FTCD: variants seen among roughly 807,000 people sequenced by gnomAD.
FTCD encodes formimidoyltransferase cyclodeaminase.
Under a neutral mutation model 62.9 loss-of-function variants are expected in FTCD, and 76 were observed. That is an observed-to-expected ratio of 1.21 (90% CI 1.00 to 1.46). The LOEUF is 1.46. Ranked by LOEUF, FTCD falls within the 40% of genes most tolerant of loss-of-function variation. The pLI is 0.00. For missense variants in FTCD, 845 were observed against 751.3 expected, an observed-to-expected ratio of 1.12 and a Z score of -1.46; for synonymous variants, 397 against 336.9, an observed-to-expected ratio of 1.18 and a Z score of -1.95.
At chr21:46,148,889 G>A (rs1166179789) in intron 7 of FTCD, among the ~76,000 whole-genome samples, 3 of 152,128 alleles carry the variant, frequency 2.0e-5, no homozygotes, top group Admixed American at 2.0e-4. Flanking sequence ...TATGGCCTGA[G>A]GATTATTAGA....
chr21:46,137,048 A>G lies in FTCD; in HGVS notation c.1565T>C (p.Leu522Pro). Residue 522 changes from leucine (L) to proline (P), a missense_variant, in exon 14 of 14, where the codon CTG becomes CCG. Leu to Pro is a moderately conservative substitution (Grantham distance 98). Transcript: ENST00000397746. Reference protein sequence around the residue: ...DQIHHRVSSLLQEAKTQAALV... With the variant: ...DQIHHRVSSLPQEAKTQAALV... ...TGCAGCCTGGGTCTTGGCTTCCTGC[A>G]GGAGGCTGGAAACACGATGGTGGAT... The G allele has an allele frequency of 1.9e-6, 3 of 1,613,744 alleles. No homozygotes were observed. Among genetic ancestry groups the G allele is most frequent in the Non-Finnish European group, 2.5e-6 (3 of 1,179,962 alleles).
chr21:46,150,679 C>T (rs1272620162), intron 5 of FTCD, among the ~76,000 whole-genome samples, 154 bp from the exon 6 acceptor site: 6 of 152,144 alleles, frequency 3.9e-5, no homozygotes, highest in South Asian at 2.1e-4. Flanking sequence ...CTGAGCTGGC[C>T]GGGGAGGGCC....
Position 46,150,927 on chromosome 21 carries a change from G to T in FTCD, c.637-402C>A, listed in dbSNP as rs200923603. ...CTTGTCGGGGTGACTGAGTCCACGT[G>T]GGGGGACTCTGACCTCTGCCCTTGG... On this transcript the variant is annotated intron_variant, in intron 5 of 13. Coordinates refer to ENST00000397746, the MANE Select transcript of FTCD (RefSeq NM_206965.2). Among the ~76,000 whole-genome samples the T allele has an allele frequency of 2.2e-3, 329 of 152,336 alleles. 2 individuals are homozygous for T. Among genetic ancestry groups the T allele is most frequent in the African/African-American group, 7.5e-3 (313 of 41,586 alleles).
At chr21:46,153,568 G>A (rs2079355412) in intron 2 of FTCD, among the ~76,000 whole-genome samples, 1 of 152,202 alleles carries the variant, frequency 6.6e-6, no homozygotes, top group Admixed American at 6.5e-5. Context: ...CACCCCAGGG[G>A]ACGCCAGCCT....
chr21:46,141,270 G>A lies in FTCD; in HGVS notation c.1261-2347C>T, dbSNP rs143849133. 2.6e-5 allele frequency among the ~76,000 whole-genome samples: 4 copies of A among 151,874 alleles called. No homozygotes were observed. The East Asian group carries it at 7.8e-4, about 29-fold the overall frequency. ...CCCACTTAAGCCTCCTGAGTAGCTG[G>A]GACCACAGGTACCTGCTACCACGCC... On this transcript the variant is annotated intron_variant, in intron 10 of 13. Coordinates refer to ENST00000397746, the MANE Select transcript of FTCD (RefSeq NM_206965.2).
chr21:46,151,065 G>A (rs1004373420), intron 5 of FTCD, among the ~76,000 whole-genome samples: 1 of 152,216 alleles, frequency 6.6e-6, no homozygotes, highest in East Asian at 1.9e-4. Flanking sequence ...TCTGAGTGGG[G>A]AACAGATGGG....
intron 2 of FTCD, 93 bp downstream of exon 2, chr21:46,154,056 C>T (rs751367309): frequency 1.0e-4 from 139 of 1,354,100 alleles, no homozygotes; most frequent in Admixed American, 2.0e-4. Flanking sequence ...CAAGCCTGGG[C>T]CCCGGGCCTA....
rs73908561 is a variant in FTCD at position 46,151,090 on chromosome 21, C to A, written c.636+468G>T. Among the ~76,000 whole-genome samples, 1,158 of 152,294 alleles carry A rather than the reference C, an allele frequency of 7.6e-3. 12 individuals carry two copies. Among genetic ancestry groups the A allele is most frequent in the African/African-American group, 0.026 (1,079 of 41,562 alleles). ...GAACAGATGGGCAGGTGGTCCCCCC[C>A]GCTTTCTCCGGGTATCTATACCCGG... On this transcript the variant is annotated intron_variant, in intron 5 of 13. Coordinates refer to ENST00000397746, the MANE Select transcript of FTCD (RefSeq NM_206965.2).
At chr21:46,145,339 A>ACCCGCTTCTCACTGG (rs1374299989) in intron 10 of FTCD, 78 bp downstream of exon 10, 3 of 1,228,346 alleles carry the variant, frequency 2.4e-6, no homozygotes, top group Non-Finnish European at 1.1e-6. Flanking sequence ...CCGGAGGCTG[A>ACCCGCTTCTCACTGG]CCCGCTTCTC....
In FTCD at chr21:46,137,327, G is replaced by A. The variant is rs778453294; in HGVS notation, c.1451C>T (p.Ala484Val). The change falls in exon 13 of 14, where the codon GCC becomes GTC. Residue 484 changes from alanine to valine, a missense_variant. Ala to Val is a moderately conservative substitution (Grantham distance 64). Transcript: ENST00000397746. ...AAACACGCCCATCTCCAGGGCTTTGGCCGCCACCTGCAAGGACCCCAGGGA... is the reference window on the plus strand; with the variant it reads ...AAACACGCCCATCTCCAGGGCTTTGACCGCCACCTGCAAGGACCCCAGGGA... ...LACRSDLQVA[A>V]KALEMGVFGA... is the part of the protein sequence containing the mutation. 6.2e-7 allele frequency: 1 copy of A among 1,612,172 alleles called. No individual in the cohort carries two copies. Among genetic ancestry groups the A allele is most frequent in the Admixed American group, 1.7e-5 (1 of 60,010 alleles).
At chr21:46,136,586 C>A, downstream of FTCD, 1 of 1,547,332 alleles carries the variant, frequency 6.5e-7, no homozygotes, top group Non-Finnish European at 8.7e-7. Context: ...CTCTGAATAC[C>A]TGTGACCCTG....
intron 1 of FTCD, 140 bp downstream of exon 1, chr21:46,155,329 TG>T: frequency 1.4e-6 from 1 of 734,408 alleles, no homozygotes. Context: ...GGGATGTCCT[TG>T]GGGCCCACGG....
At chr21:46,136,440 C>A, downstream of FTCD, 3 of 1,612,642 alleles carry the variant, frequency 1.9e-6, no homozygotes, top group Non-Finnish European at 2.5e-6. Context: ...GGGAGCTGCA[C>A]CTGGGAAGCG....
At position 46,153,013 on chromosome 21, in the gene FTCD, G is replaced by A. The variant is rs1258204475; in HGVS notation, c.261C>T (p.Ala87=). The part of the protein sequence containing the change: ...RHQGEHPRMG[A]LDVCPFIPVR... ...CGGGGATGAAGGGGCAGACGTCTAG[G>A]GCCCCCATGCGGGGGTGCTCTCCTG... Residue 87 remains alanine (A), a synonymous_variant, in exon 3 of 14, where the codon GCC becomes GCT. Coordinates refer to ENST00000397746, the MANE Select transcript of FTCD (RefSeq NM_206965.2). 5 of 1,549,792 alleles carry A rather than the reference G, an allele frequency of 3.2e-6. No homozygotes were observed. The highest frequency in any genetic ancestry group is 4.4e-6 in the Non-Finnish European group (5 of 1,146,936).
rs573009204 is a variant in FTCD, at chr21:46,152,029, C to G, written c.368-49G>C. 1.4e-5 allele frequency: 19 copies of G among 1,365,774 alleles called. No individual in the cohort carries two copies. In the South Asian group the frequency reaches 1.7e-4, roughly 13 times the overall value. The allele number at this position is 1,365,774 out of a possible 1,614,324, so 84.6% of individuals were successfully genotyped here. Reference sequence around the variant, plus strand: ...GCCTGGACCGGCAGGGGGTCCAGGACTCAGTTCCTGGAGGACGCAGGTGGA... The same window carrying G: ...GCCTGGACCGGCAGGGGGTCCAGGAGTCAGTTCCTGGAGGACGCAGGTGGA... On this transcript the variant is annotated intron_variant, in intron 3 of 13. Transcript: ENST00000397746.
chr21:46,136,712 C>T, downstream of FTCD: 1 of 1,475,016 alleles, frequency 6.8e-7, no homozygotes, highest in Non-Finnish European at 9.0e-7. Context: ...ATATGTCCTG[C>T]TCCTGCCCCA....
chr21:46,150,061 CGCCT>C, intron 7 of FTCD, 54 bp downstream of exon 7: 8 of 1,516,976 alleles, frequency 5.3e-6, no homozygotes, highest in Middle Eastern at 2.3e-4. Flanking sequence ...GCTCCGCCAC[CGCCT>C]CCCCACCCTC....
rs751976294 is a variant in FTCD, at chr21:46,155,575, C to T, written c.-52G>A. On this transcript the variant is annotated 5_prime_UTR_variant, in exon 1 of 14. Coordinates refer to ENST00000397746, the MANE Select transcript of FTCD (RefSeq NM_206965.2). ...TCTCTGGGCAGATGGAAGGACAGGGCCAGTGCTCCGCAGCCGCCGCCAGGG... is the reference window on the plus strand; with the variant it reads ...TCTCTGGGCAGATGGAAGGACAGGGTCAGTGCTCCGCAGCCGCCGCCAGGG... The T allele has an allele frequency of 1.6e-5, 24 of 1,523,148 alleles. No individual in the cohort carries two copies. The Admixed American group carries it at 3.7e-4, about 23-fold the overall frequency. 94.4% of individuals were successfully genotyped at this position (1,523,148 alleles called of 1,614,324 possible). A position where few individuals can be genotyped will look rare whatever the true frequency, so the allele number is the denominator to read the frequency against.
Position 46,140,116 on chromosome 21 carries a change from C to T in FTCD, c.1261-1193G>A, listed in dbSNP as rs79686893. 6.9e-4 allele frequency among the ~76,000 whole-genome samples: 105 copies of T among 152,360 alleles called. 1 individual carries two copies. In the East Asian group the frequency reaches 0.015, roughly 22 times the overall value. ...ATATCTCCTTATGTTTTTCAAAAGT[C>T]GACCTTTGCATTGCTCAGAGGGAGC... is the stretch of plus-strand genomic sequence containing the variant. On this transcript the variant is annotated intron_variant, in intron 10 of 13. Coordinates refer to ENST00000397746, the MANE Select transcript of FTCD (RefSeq NM_206965.2).
Sources: gnomAD v4.1 joint callset for allele counts (sites outside exome capture counted in the v4.1 genomes callset) on GRCh38, gnomAD v4.1.1 for gene constraint, MANE v1.5 for transcripts, NCBI Gene and HGNC (gene_info 2026-07-23, HGNC 2026-07-21) for gene names.